The following TANK variants were observed in gnomAD, a reference collection of about 807,000 sequenced individuals.
TANK encodes the protein TRAF family member associated NFKB activator, also known as TRAF family member-associated NF-kappa-B activator.
Under a neutral mutation model 43.6 loss-of-function variants are expected in TANK, and 15 were observed. The observed-to-expected ratio is 0.34, with a 90% CI of 0.23 to 0.53. The LOEUF (loss-of-function observed/expected upper bound fraction) is 0.53, where lower values mean the gene tolerates loss of function less well. TANK is among the 20% of genes least tolerant of loss of function. The pLI, the probability that TANK is intolerant of heterozygous loss-of-function variation, is 0.94. For missense variants in TANK, 417 were observed against 498.6 expected, an observed-to-expected ratio of 0.84 and a Z score of 1.56; for synonymous variants, 162 against 178.2, an observed-to-expected ratio of 0.91 and a Z score of 0.73.
intron 2 of TANK, chr2:161,201,462 C>G (rs889262076): frequency 6.7e-5 from 13 of 193,354 alleles, no homozygotes; most frequent in South Asian, 1.8e-4. Context: ...ATAACATAGG[C>G]ATTTATTCTG....
chr2:161,161,577 A>C (rs1684438654), intron 1 of TANK: 1 of 1,220,898 alleles, frequency 8.2e-7, no homozygotes, highest in African/African-American at 1.5e-5. Flanking sequence ...CTGTATGTGC[A>C]TAACCATGTT....
intron 1 of TANK, among the ~76,000 whole-genome samples, chr2:161,150,027 C>A (rs1372812649): frequency 2.0e-5 from 3 of 151,994 alleles, no homozygotes. Context: ...TCCTTTCCAC[C>A]CATTTTTTTT....
At chr2:161,155,979 C>A, upstream of TANK, 1 of 836,958 alleles carries the variant, frequency 1.2e-6, no homozygotes, top group Non-Finnish European at 1.4e-6. Flanking sequence ...CTTGATAGGG[C>A]ATTTAATATT....
intron 2 of TANK, among the ~76,000 whole-genome samples, chr2:161,184,618 A>G (rs1020998920): frequency 3.3e-5 from 5 of 152,116 alleles, no homozygotes; most frequent in Admixed American, 2.0e-4. Context: ...TATTTAGGAG[A>G]TAAAATGGAA....
chr2:161,198,986 G>A (rs1352721905), intron 2 of TANK, among the ~76,000 whole-genome samples: 3 of 152,032 alleles, frequency 2.0e-5, no homozygotes, highest in Non-Finnish European at 4.4e-5. Flanking sequence ...GTTTGATCTC[G>A]TACTATTTAA....
At chr2:161,166,365 A>C (rs1684680098) in intron 1 of TANK, among the ~76,000 whole-genome samples, 1 of 152,236 alleles carries the variant, frequency 6.6e-6, no homozygotes, top group African/African-American at 2.4e-5. Flanking sequence ...TTGGGGAATT[A>C]GCTGCTTGTG....
intron 1 of TANK, chr2:161,137,991 A>T: frequency 1.6e-6 from 1 of 624,292 alleles, no homozygotes; most frequent in Non-Finnish European, 2.0e-6. Flanking sequence ...AATAATGATT[A>T]ACTCAAGTTT....
upstream of TANK, chr2:161,155,974 T>A (rs1684214506): frequency 1.2e-6 from 1 of 814,854 alleles, no homozygotes; most frequent in African/African-American, 1.9e-5. Context: ...AATGACTTGA[T>A]AGGGCATTTA....
chr2:161,189,292 A>G (rs1685808204), intron 2 of TANK, among the ~76,000 whole-genome samples: 1 of 152,210 alleles, frequency 6.6e-6, no homozygotes, highest in Non-Finnish European at 1.5e-5. Flanking sequence ...AAAAAGAAAA[A>G]ACATGATCCT....
At chr2:161,208,076 G>A in intron 4 of TANK, 1 of 871,524 alleles carries the variant, frequency 1.1e-6, no homozygotes, top group Admixed American at 6.2e-5. Flanking sequence ...TCTGTTTGGT[G>A]GGTGGTTTGA....
At chr2:161,217,900 T>C (rs1233997197) in intron 4 of TANK, among the ~76,000 whole-genome samples, 5 of 152,056 alleles carry the variant, frequency 3.3e-5, no homozygotes, top group Admixed American at 3.3e-4. Flanking sequence ...AGTCTTTTAT[T>C]AAAAGATAGC....
At chr2:161,224,829 G>T in intron 6 of TANK, 83 bp downstream of exon 6, 1 of 841,546 alleles carries the variant, frequency 1.2e-6, no homozygotes, top group Non-Finnish European at 1.8e-6. Context: ...ATTCCTGAAT[G>T]CCTATTAAGT....
chr2:161,198,614 A>C (rs541418158), intron 2 of TANK, among the ~76,000 whole-genome samples: 1 of 152,374 alleles, frequency 6.6e-6, no homozygotes, highest in Admixed American at 6.5e-5. Flanking sequence ...TCCAATGAGC[A>C]TATCGCGAGA....
intron 1 of TANK, among the ~76,000 whole-genome samples, chr2:161,177,662 G>T (rs941666758): frequency 4.0e-5 from 6 of 151,864 alleles, no homozygotes; most frequent in African/African-American, 1.5e-4. Context: ...AACAACAAAA[G>T]AAAAAATAGG....
At chr2:161,142,697 CA>C (rs1435291186) in intron 1 of TANK, among the ~76,000 whole-genome samples, 21 of 152,200 alleles carry the variant, frequency 1.4e-4, no homozygotes, top group African/African-American at 3.9e-4. Context: ...GTTTTGGTAC[CA>C]GTACCATGCT....
chr2:161,217,405 T>C (rs759690141), intron 4 of TANK, among the ~76,000 whole-genome samples: 8 of 152,200 alleles, frequency 5.3e-5, no homozygotes, highest in Non-Finnish European at 1.0e-4. Flanking sequence ...CCAGCCAGAA[T>C]GTTAGTGGGC....
At chr2:161,212,435 A>C (rs1686935694) in intron 4 of TANK, 1 of 983,832 alleles carries the variant, frequency 1.0e-6, no homozygotes, top group Non-Finnish European at 1.2e-6. Context: ...TTTCTATTGC[A>C]GAAACTGTGT....
chr2:161,224,000 A>G lies in TANK; in HGVS notation c.404+9A>G, dbSNP rs376047954. On this transcript the variant is annotated intron_variant, in intron 5 of 7. Transcript: ENST00000392749. ...CCTTTGCTCCATGAAAGGTAGTTCT[A>G]CATCCTTTTTTCTCAACTCTTAAAA... 81 of 1,555,968 alleles carry G rather than the reference A, an allele frequency of 5.2e-5. No homozygotes were observed. Among genetic ancestry groups the G allele is most frequent in the Non-Finnish European group, 7.0e-5 (80 of 1,142,412 alleles).
intron 4 of TANK, chr2:161,216,474 C>G (rs1039540289): frequency 6.6e-6 from 3 of 455,076 alleles, no homozygotes; most frequent in Non-Finnish European, 1.4e-5. Flanking sequence ...TTTGATAAAG[C>G]TGAATCTAAA....
Sources: allele counts gnomAD v4.1 joint callset (sites outside exome capture counted in the v4.1 genomes callset), GRCh38; gene constraint gnomAD v4.1.1; transcripts MANE v1.5; gene names NCBI Gene and HGNC (gene_info 2026-07-23, HGNC 2026-07-21).